MLLT1: variants seen among roughly 807,000 people sequenced by gnomAD.
The protein encoded by MLLT1 is MLLT1 super elongation complex subunit, also known as protein ENL.
A neutral mutation model predicts 55.1 loss-of-function variants in MLLT1; 11 were observed. That is an observed-to-expected ratio of 0.20 (90% CI 0.13 to 0.33). The LOEUF is 0.33. Ranked by LOEUF, MLLT1 falls within the 10% of genes least tolerant of loss-of-function variation. The pLI, the probability that MLLT1 is intolerant of heterozygous loss-of-function variation, is 1.00. For missense variants in MLLT1, 536 were observed against 760.6 expected, an observed-to-expected ratio of 0.70 and a Z score of 3.47; for synonymous variants, 323 against 320.1, an observed-to-expected ratio of 1.01 and a Z score of -0.10.
In MLLT1 at chr19:6,229,041, C is replaced by T. The variant is rs969731465; in HGVS notation, c.420+1529G>A. ...TTCATCGCTGTGGAGCAAAGGAAGC[C>T]GCCTCCCACAGGGAGCCAGGTCCTG... On this transcript the variant is annotated intron_variant, in intron 4 of 11. Coordinates refer to ENST00000252674, the MANE Select transcript of MLLT1 (RefSeq NM_005934.4). The surrounding 1 kb of genome is among the most constrained non-coding windows in gnomAD (Gnocchi z 5.2). Among the ~76,000 whole-genome samples, 5 of 152,202 alleles carry T rather than the reference C, an allele frequency of 3.3e-5. No homozygotes were observed. The highest frequency in any genetic ancestry group is 1.3e-4 in the Admixed American group (2 of 15,286).
intron 3 of MLLT1, among the ~76,000 whole-genome samples, chr19:6,238,818 G>C (rs758855509): frequency 4.0e-5 from 6 of 149,500 alleles, no homozygotes; most frequent in Non-Finnish European, 5.9e-5. Flanking sequence ...GGCCTTCTCC[G>C]GCCAGCAGCC....
At chr19:6,272,826 C>G (rs2091405898) in intron 1 of MLLT1, among the ~76,000 whole-genome samples, 1 of 152,116 alleles carries the variant, frequency 6.6e-6, no homozygotes, top group African/African-American at 2.4e-5. Flanking sequence ...AAGAACTGGC[C>G]AGAGAGGCTG....
At chr19:6,247,224 A>G (rs1358140305) in intron 3 of MLLT1, among the ~76,000 whole-genome samples, 1 of 152,178 alleles carries the variant, frequency 6.6e-6, no homozygotes, top group African/African-American at 2.4e-5. Context: ...GTCATATGAG[A>G]GAACCTAAAC....
chr19:6,247,088 G>A (rs984341027), intron 3 of MLLT1, among the ~76,000 whole-genome samples: 8 of 152,148 alleles, frequency 5.3e-5, no homozygotes, highest in African/African-American at 1.2e-4. Context: ...TGGGGAAGGC[G>A]TGAATGAGCC....
At chr19:6,215,648 G>C (rs1457787318) in intron 8 of MLLT1, among the ~76,000 whole-genome samples, 1 of 152,222 alleles carries the variant, frequency 6.6e-6, no homozygotes, top group East Asian at 1.9e-4. Context: ...CATGCACCTT[G>C]CTGGGTGCAG....
chr19:6,279,948 C>G lies in MLLT1; in HGVS notation c.-164G>C, dbSNP rs2091450626. 1 of 165,066 alleles carries G rather than the reference C, an allele frequency of 6.1e-6. No individual in the cohort carries two copies. Among genetic ancestry groups the G allele is most frequent in the African/African-American group, 2.4e-5 (1 of 41,348 alleles). The allele number at this position is 165,066 out of a possible 1,614,324, so 10.2% of individuals were successfully genotyped here. The stretch of plus-strand genomic sequence containing the variant: ...CGCTCGCCCGCCAGCCCCGCGGAAC[C>G]GGAAACCACCGCCAGCCCGGGTCGC... On this transcript the variant is annotated 5_prime_UTR_variant, in exon 1 of 12. Coordinates refer to ENST00000252674, the MANE Select transcript of MLLT1 (RefSeq NM_005934.4).
intron 3 of MLLT1, among the ~76,000 whole-genome samples, chr19:6,253,153 T>C (rs2144922189): frequency 6.7e-6 from 1 of 149,346 alleles, no homozygotes; most frequent in South Asian, 2.1e-4. Context: ...TAGTCCCAGC[T>C]ACTCGGGAGG....
intron 6 of MLLT1, among the ~76,000 whole-genome samples, chr19:6,220,600 G>T (rs1020314496): frequency 1.3e-5 from 2 of 152,262 alleles, no homozygotes; most frequent in African/African-American, 4.8e-5. Flanking sequence ...GCCAGGCCGG[G>T]TGAGCAGAGC....
Position 6,273,832 on chromosome 19 carries a change from C to T in MLLT1, c.13-3073G>A, listed in dbSNP as rs1325432353. Among the ~76,000 whole-genome samples the T allele has an allele frequency of 2.0e-5, 3 of 152,242 alleles. No homozygotes were observed. Among genetic ancestry groups the T allele is most frequent in the Non-Finnish European group, 4.4e-5 (3 of 68,040 alleles). On this transcript the variant is annotated intron_variant, in intron 1 of 11. Coordinates refer to ENST00000252674, the MANE Select transcript of MLLT1 (RefSeq NM_005934.4). This position sits in a 1 kb window ranked among gnomAD's most constrained non-coding sequence, Gnocchi z 4.3. Reference sequence around the variant, plus strand: ...ACTGACCCGGCCACTCAGACCTCGGCCGACTTCCCGGCATTTCTGATGACA... The same window carrying T: ...ACTGACCCGGCCACTCAGACCTCGGTCGACTTCCCGGCATTTCTGATGACA...
chr19:6,262,116 G>T lies in MLLT1; in HGVS notation c.276+112C>A. The T allele has an allele frequency of 1.2e-6, 1 of 807,204 alleles. No homozygotes were observed. 50.0% of individuals were successfully genotyped at this position (807,204 alleles called of 1,614,324 possible). ...CACCCCCCGCAGCACTCACTGGAAT[G>T]TCTGTGCATGGGCAGCGGCCAGTTC... On this transcript the variant is annotated intron_variant, in intron 3 of 11. Coordinates refer to ENST00000252674, the MANE Select transcript of MLLT1 (RefSeq NM_005934.4). This position sits in a 1 kb window ranked among gnomAD's most constrained non-coding sequence, Gnocchi z 4.4.
In MLLT1 at chr19:6,234,862, A is replaced by G. The variant is rs370577978; in HGVS notation, c.277-4149T>C. Among the ~76,000 whole-genome samples, 30 of 152,170 alleles carry G rather than the reference A, an allele frequency of 2.0e-4. 2 individuals are homozygous for G. The highest frequency in any genetic ancestry group is 5.8e-4 in the African/African-American group (24 of 41,466). ...TTTAAGAGACAAACCAAAGAATCAC[A>G]GCGTGTGGATCTCATCAATGTCCTG... On this transcript the variant is annotated intron_variant, in intron 3 of 11. Coordinates refer to ENST00000252674, the MANE Select transcript of MLLT1 (RefSeq NM_005934.4).
rs902049790 is a variant in MLLT1, at chr19:6,212,061, C to A, written c.*981G>T. 1.9e-6 allele frequency: 2 copies of A among 1,065,966 alleles called. No homozygotes were observed. Among genetic ancestry groups the A allele is most frequent in the African/African-American group, 3.3e-5 (2 of 61,072 alleles). 66.0% of individuals were successfully genotyped at this position (1,065,966 alleles called of 1,614,324 possible). A position where few individuals can be genotyped will look rare whatever the true frequency, so the allele number is the denominator to read the frequency against. On this transcript the variant is annotated 3_prime_UTR_variant, in exon 12 of 12. Transcript: ENST00000252674. ...TATCCCGTCTTATTTGGCAAAAGCTCATATTTTTTTCAAAGTTTGAAGACT... is the reference window on the plus strand; with the variant it reads ...TATCCCGTCTTATTTGGCAAAAGCTAATATTTTTTTCAAAGTTTGAAGACT...
At chr19:6,245,507 G>A (rs1313440695) in intron 3 of MLLT1, among the ~76,000 whole-genome samples, 2 of 150,442 alleles carry the variant, frequency 1.3e-5, no homozygotes, top group Non-Finnish European at 3.0e-5. Context: ...TCAGGAGATC[G>A]AGACCATCCT....
At chr19:6,216,799 T>G in intron 7 of MLLT1, 9 of 420,568 alleles carry the variant, frequency 2.1e-5, no homozygotes, top group Middle Eastern at 6.4e-4. Flanking sequence ...GGCCCCTCCA[T>G]TGCTGCAGCC....
chr19:6,213,997 G>T lies in MLLT1; in HGVS notation c.1349C>A (p.Ser450Tyr), dbSNP rs933622082. ...TGGGGGCTCACGGCTGGGCAGGGAG[G>T]AGTCGGCGCTGTTGTCACTCTCGCT... The part of the protein sequence containing the change: ...SDSESDNSAD[S>Y]SLPSREPPPP... The change falls in exon 9 of 12, where the codon TCC becomes TAC. Residue 450 changes from serine to tyrosine, a missense_variant. Transcript: ENST00000252674. 1 of 1,458,132 alleles carries T rather than the reference G, an allele frequency of 6.9e-7. No individual in the cohort carries two copies. The allele number at this position is 1,458,132 out of a possible 1,614,324, so 90.3% of individuals were successfully genotyped here.
intron 8 of MLLT1, among the ~76,000 whole-genome samples, chr19:6,215,824 C>T (rs796119532): frequency 2.5e-4 from 38 of 152,292 alleles, no homozygotes; most frequent in African/African-American, 7.7e-4. Flanking sequence ...TCTCCACTGT[C>T]GCTGGGTTGG....
chr19:6,211,013 C>T lies in MLLT1; in HGVS notation c.*2029G>A. On this transcript the variant is annotated 3_prime_UTR_variant, in exon 12 of 12. Transcript: ENST00000252674. The surrounding 1 kb of genome is among the most constrained non-coding windows in gnomAD (Gnocchi z 4.6). Reference sequence around the variant, plus strand: ...AGAGCAGGCGGGGGAGCCCGACCCTCCTCTGGCTGAGTGGAAGGCTGCTCG... The same window carrying T: ...AGAGCAGGCGGGGGAGCCCGACCCTTCTCTGGCTGAGTGGAAGGCTGCTCG... 1 of 231,518 alleles carries T rather than the reference C, an allele frequency of 4.3e-6. No homozygotes were observed. Among genetic ancestry groups the T allele is most frequent in the East Asian group, 6.1e-5 (1 of 16,356 alleles). 14.3% of individuals were successfully genotyped at this position (231,518 alleles called of 1,614,324 possible).
At chr19:6,254,699 A>G (rs2091244539) in intron 3 of MLLT1, among the ~76,000 whole-genome samples, 1 of 152,150 alleles carries the variant, frequency 6.6e-6, no homozygotes, top group Non-Finnish European at 1.5e-5. Context: ...TCTATAAGGG[A>G]ATTTCCTTAA....
In MLLT1 at chr19:6,230,865, G is replaced by A. The variant is rs192788443; in HGVS notation, c.277-152C>T. 10 of 958,938 alleles carry A rather than the reference G, an allele frequency of 1.0e-5. No individual in the cohort carries two copies. The highest frequency in any genetic ancestry group is 1.6e-5 in the African/African-American group (1 of 60,938). The allele number at this position is 958,938 out of a possible 1,614,324, so 59.4% of individuals were successfully genotyped here. ...CCACTTCTCTCTCAGGGCACCTCCT[G>A]CCCTGCCCTTATTCAAAATCGACCA... is the stretch of plus-strand genomic sequence containing the variant. On this transcript the variant is annotated intron_variant, in intron 3 of 11. Transcript: ENST00000252674. This position sits in a 1 kb window ranked among gnomAD's most constrained non-coding sequence, Gnocchi z 9.0.
Sources: allele counts gnomAD v4.1 joint callset (sites outside exome capture counted in the v4.1 genomes callset), GRCh38; gene constraint gnomAD v4.1.1; non-coding constraint Gnocchi (gnomAD v3.1); transcripts MANE v1.5; gene names NCBI Gene and HGNC (gene_info 2026-07-23, HGNC 2026-07-21).